Variants in XKRX observed in about 807,000 individuals in gnomAD.
XKRX encodes XK-related protein 2.
XKRX carries 11 observed loss-of-function variants against 22.4 expected under a neutral mutation model. That is an observed-to-expected ratio of 0.49 (90% CI 0.31 to 0.81). The LOEUF (loss-of-function observed/expected upper bound fraction) is 0.81. XKRX is among the 40% of genes least tolerant of loss of function. XKRX has a pLI of 0.05. For missense variants in XKRX, 320 were observed against 336.5 expected (o/e 0.95, Z 0.38); for synonymous variants, 114 against 132.2 (o/e 0.86, Z 0.94).
chrX:100,914,995 G>T lies in XKRX; in HGVS notation c.693C>A (p.Tyr231Ter), dbSNP rs1262305704. 2 of 1,211,763 alleles carry T rather than the reference G, an allele frequency of 1.7e-6. No individual in the cohort carries two copies. Among genetic ancestry groups the T allele is most frequent in the East Asian group, 3.0e-5 (1 of 33,846 alleles). ...CTTCTAGTGGCCCAAGGCGAATCTT[G>T]TAGTCATCGTACTTGATCTGGATAG... Reference protein sequence around the residue: ...MLAIQIKYDDYKIRLGPLEVL... With the variant: ...MLAIQIKYDD The change falls in exon 3 of 3, where the codon TAC becomes TAA. Residue 231 changes from tyrosine (Y) to a stop codon, truncating the protein, a stop_gained. Coordinates refer to ENST00000372956, the MANE Select transcript of XKRX (RefSeq NM_212559.3). LOFTEE classifies it high-confidence loss of function.
At chrX:100,935,848 A>G in the XKRX span, among the ~76,000 whole-genome samples, 2 of 112,100 alleles carry the variant, frequency 1.8e-5, no homozygotes, top group Non-Finnish European at 3.8e-5. Flanking sequence ...GTTAACACTG[A>G]TGGCAGTTAG....
At chrX:100,917,729 T>C (rs1035653755) in intron 2 of XKRX, among the ~76,000 whole-genome samples, 1 of 42,800 alleles carries the variant, frequency 2.3e-5, no homozygotes, top group African/African-American at 7.3e-5. Flanking sequence ...AAAGAAATCC[T>C]TGGTTCAGCT....
At chrX:100,931,156 A>T (rs769913954), upstream of XKRX, among the ~76,000 whole-genome samples, 4 of 106,407 alleles carry the variant, frequency 3.8e-5, no homozygotes, top group South Asian at 8.1e-4. Flanking sequence ...TTAAAAATAA[A>T]AAAAAAAAAA....
chrX:100,921,459 T>A (rs1022910190), intron 2 of XKRX, among the ~76,000 whole-genome samples: 5 of 111,664 alleles, frequency 4.5e-5, no homozygotes, highest in Non-Finnish European at 9.4e-5. Flanking sequence ...TCAAGAACAA[T>A]TCTGAGTGGG....
At chrX:100,956,554 G>A in the XKRX span, 1 of 412,874 alleles carries the variant, frequency 2.4e-6, no homozygotes, top group Non-Finnish European at 4.3e-6. Context: ...GTTGTCAGAA[G>A]TTAGAGGTGA....
chrX:100,890,820 G>A, the XKRX span, among the ~76,000 whole-genome samples: 1 of 110,769 alleles, frequency 9.0e-6, no homozygotes, highest in East Asian at 2.9e-4. Context: ...ATTCATGCAA[G>A]CATGTACCTT....
the XKRX span, among the ~76,000 whole-genome samples, chrX:100,947,840 T>G: frequency 2.7e-5 from 3 of 112,126 alleles, no homozygotes; most frequent in Non-Finnish European, 1.9e-5. Context: ...ATAAGAAAGT[T>G]GCAGCATTAC....
chrX:100,887,361 G>T, the XKRX span, among the ~76,000 whole-genome samples: 1 of 110,550 alleles, frequency 9.0e-6, no homozygotes, highest in South Asian at 3.9e-4. Flanking sequence ...TCAACAACAT[G>T]GGTGCAAGGA....
intron 2 of XKRX, among the ~76,000 whole-genome samples, chrX:100,920,596 T>C (rs1192187548): frequency 9.0e-6 from 1 of 111,656 alleles, no homozygotes; most frequent in Admixed American, 9.5e-5. Context: ...TAGTAATGCA[T>C]GATCACAAAA....
the XKRX span, among the ~76,000 whole-genome samples, chrX:100,936,350 G>C: frequency 9.3e-6 from 1 of 108,037 alleles, no homozygotes; most frequent in Non-Finnish European, 1.9e-5. Context: ...AGACCAGCCT[G>C]GCCAAAATGG....
the XKRX span, among the ~76,000 whole-genome samples, chrX:100,904,348 A>T: frequency 2.7e-5 from 3 of 112,031 alleles, no homozygotes; most frequent in East Asian, 8.4e-4. Context: ...CAAAAAATTA[A>T]CTCGAAATGG....
the XKRX span, among the ~76,000 whole-genome samples, chrX:100,893,460 G>A: frequency 0.17 from 18,530 of 110,794 alleles, 1,149 homozygotes; most frequent in African/African-American, 0.19. Flanking sequence ...TCCCACTACT[G>A]TATATCTATC....
the XKRX span, among the ~76,000 whole-genome samples, chrX:100,891,487 A>C: frequency 9.0e-6 from 1 of 111,245 alleles, no homozygotes; most frequent in African/African-American, 3.3e-5. Flanking sequence ...TGGCATAAAA[A>C]AGACATATAG....
At chrX:100,890,205 C>T in the XKRX span, among the ~76,000 whole-genome samples, 7 of 110,655 alleles carry the variant, frequency 6.3e-5, no homozygotes, top group Non-Finnish European at 1.3e-4. Context: ...GACCTAAACT[C>T]GTTGTTTTTG....
At chrX:100,952,235 A>G in the XKRX span, among the ~76,000 whole-genome samples, 1 of 111,249 alleles carries the variant, frequency 9.0e-6, no homozygotes, top group Non-Finnish European at 1.9e-5. Context: ...TAGAAAAAGC[A>G]TTTGACTAAA....
the XKRX span, among the ~76,000 whole-genome samples, chrX:100,937,235 C>T: frequency 1.8e-5 from 2 of 111,074 alleles, no homozygotes; most frequent in Non-Finnish European, 3.8e-5. Flanking sequence ...AAATGATCCA[C>T]CCGCCTTGGC....
At chrX:100,907,437 C>T in the XKRX span, among the ~76,000 whole-genome samples, 1 of 111,644 alleles carries the variant, frequency 9.0e-6, no homozygotes, top group Admixed American at 9.5e-5. Context: ...TAAGTTCAAG[C>T]AATCCTCCTG....
chrX:100,954,520 G>C, the XKRX span, among the ~76,000 whole-genome samples: 30 of 111,643 alleles, frequency 2.7e-4, no homozygotes, highest in African/African-American at 9.4e-4. Flanking sequence ...TCCTCAAAAG[G>C]TTAAGTATGG....
At chrX:100,913,268 T>G (rs745321600), downstream of XKRX, among the ~76,000 whole-genome samples, 40 of 110,007 alleles carry the variant, frequency 3.6e-4, no homozygotes, top group South Asian at 7.8e-4. Flanking sequence ...AATGTGATCT[T>G]GTTTCCCTCC....
Sources: gnomAD v4.1 joint callset for allele counts (sites outside exome capture counted in the v4.1 genomes callset) on GRCh38, gnomAD v4.1.1 for gene constraint, MANE v1.5 for transcripts, NCBI Gene and HGNC (gene_info 2026-07-23, HGNC 2026-07-21) for gene names.